GRID2: variants seen among roughly 807,000 people sequenced by gnomAD.
GRID2 encodes the protein glutamate receptor ionotropic, delta-2.
GRID2 carries 33 observed loss-of-function variants against 114.8 expected under a neutral mutation model. The observed-to-expected ratio is 0.29, with a 90% CI of 0.22 to 0.38. GRID2 has a LOEUF of 0.38. GRID2 is among the 10% of genes least tolerant of loss of function. The pLI is 1.00. For missense variants in GRID2, 1,184 were observed against 1,257.7 expected (o/e 0.94, Z 0.89); for synonymous variants, 505 against 449.9 (o/e 1.12, Z -1.55).
intron 2 of GRID2, among the ~76,000 whole-genome samples, chr4:92,949,385 T>C (rs1357434668): frequency 1.3e-5 from 2 of 152,114 alleles, no homozygotes; most frequent in Non-Finnish European, 1.5e-5. Flanking sequence ...TATGTATACA[T>C]GTGCCATGTT....
At chr4:93,338,168 A>T (rs1281262595) in intron 8 of GRID2, among the ~76,000 whole-genome samples, 1 of 152,196 alleles carries the variant, frequency 6.6e-6, no homozygotes, top group African/African-American at 2.4e-5. Flanking sequence ...TACAATACAT[A>T]ACAGTTTTTG....
At chr4:92,797,754 C>T (rs137947713) in intron 2 of GRID2, among the ~76,000 whole-genome samples, 24 of 151,760 alleles carry the variant, frequency 1.6e-4, no homozygotes, top group African/African-American at 5.6e-4. Context: ...CACAAATCTA[C>T]AAAATATTTT....
intron 8 of GRID2, among the ~76,000 whole-genome samples, chr4:93,342,087 T>C (rs1471581980): frequency 2.0e-5 from 3 of 152,278 alleles, no homozygotes; most frequent in African/African-American, 7.2e-5. Flanking sequence ...CACTGTGAGA[T>C]AGCATCTTAT....
At chr4:92,871,594 A>T (rs1357796626) in intron 2 of GRID2, among the ~76,000 whole-genome samples, 1 of 152,192 alleles carries the variant, frequency 6.6e-6, no homozygotes, top group Admixed American at 6.5e-5. Flanking sequence ...ACTGACACTC[A>T]TGAGTCAAGG....
At chr4:92,954,570 G>A (rs1467419202) in intron 2 of GRID2, among the ~76,000 whole-genome samples, 3 of 151,602 alleles carry the variant, frequency 2.0e-5, no homozygotes, top group Non-Finnish European at 4.4e-5. Context: ...GGGACTACAG[G>A]TGCCAGCCAC....
chr4:93,725,746 T>A (rs998261608), intron 14 of GRID2, among the ~76,000 whole-genome samples: 4 of 152,074 alleles, frequency 2.6e-5, no homozygotes, highest in African/African-American at 9.7e-5. Context: ...ATGATGAGCA[T>A]TTTTTCATGT....
chr4:93,038,732 AG>A (rs1009096476), intron 2 of GRID2, among the ~76,000 whole-genome samples: 1 of 152,052 alleles, frequency 6.6e-6, no homozygotes, highest in Non-Finnish European at 1.5e-5. Flanking sequence ...CGGAGCTTAG[AG>A]TGAGCTGAGA....
intron 13 of GRID2, among the ~76,000 whole-genome samples, chr4:93,533,557 T>C (rs1296127519): frequency 2.1e-5 from 3 of 145,342 alleles, no homozygotes; most frequent in Non-Finnish European, 3.0e-5. Flanking sequence ...TTTTTTTTTT[T>C]TTTGGTATTT....
chr4:93,270,894 G>A (rs1751389941), intron 8 of GRID2, among the ~76,000 whole-genome samples: 1 of 152,112 alleles, frequency 6.6e-6, no homozygotes, highest in African/African-American at 2.4e-5. Flanking sequence ...CTCTCAAAGT[G>A]CTGGGATTAC....
chr4:93,093,879 T>C (rs544002491), intron 3 of GRID2, among the ~76,000 whole-genome samples: 1 of 152,168 alleles, frequency 6.6e-6, no homozygotes, highest in East Asian at 1.9e-4. Flanking sequence ...CAGAGACCTA[T>C]TGTACAGCAA....
intron 14 of GRID2, among the ~76,000 whole-genome samples, chr4:93,719,594 C>A (rs536022956): frequency 6.6e-6 from 1 of 152,250 alleles, no homozygotes; most frequent in Admixed American, 6.5e-5. Context: ...TACAAGGCAT[C>A]AATCAGATCC....
intron 2 of GRID2, among the ~76,000 whole-genome samples, chr4:92,717,370 G>T (rs917198254): frequency 1.3e-5 from 2 of 152,176 alleles, no homozygotes; most frequent in African/African-American, 4.8e-5. Flanking sequence ...CCAAAGAAAT[G>T]TTAAGCAATA....
At chr4:92,913,667 TG>T in intron 2 of GRID2, among the ~76,000 whole-genome samples, 1 of 152,030 alleles carries the variant, frequency 6.6e-6, no homozygotes. Flanking sequence ...CTGTAGCATT[TG>T]ACTAGCTTTA....
intron 2 of GRID2, among the ~76,000 whole-genome samples, chr4:92,777,199 C>G (rs1738848906): frequency 6.6e-6 from 1 of 151,716 alleles, no homozygotes; most frequent in Non-Finnish European, 1.5e-5. Flanking sequence ...TGGTTCTAAG[C>G]ATGTATAAGT....
chr4:93,482,391 A>G (rs1725958408), intron 11 of GRID2, among the ~76,000 whole-genome samples: 2 of 152,090 alleles, frequency 1.3e-5, no homozygotes, highest in Admixed American at 1.3e-4. Flanking sequence ...TTGCAAGGAC[A>G]TGGATGAAAC....
At chr4:92,904,565 A>G (rs1480210999) in intron 2 of GRID2, among the ~76,000 whole-genome samples, 6 of 152,014 alleles carry the variant, frequency 3.9e-5, no homozygotes, top group Middle Eastern at 6.8e-3. Flanking sequence ...AGAGTTTCTA[A>G]TATAAAGTCG....
At chr4:93,605,685 A>G (rs980895157) in intron 13 of GRID2, among the ~76,000 whole-genome samples, 1 of 152,210 alleles carries the variant, frequency 6.6e-6, no homozygotes, top group African/African-American at 2.4e-5. Context: ...TACTCCTGAT[A>G]ATATTGGGCC....
At chr4:93,315,978 T>C (rs1756539797) in intron 8 of GRID2, among the ~76,000 whole-genome samples, 1 of 152,076 alleles carries the variant, frequency 6.6e-6, no homozygotes, top group African/African-American at 2.4e-5. Flanking sequence ...AGCAAGGATC[T>C]GAGATAATCA....
chr4:92,496,111 G>A (rs1430078147), intron 1 of GRID2, among the ~76,000 whole-genome samples: 1 of 151,848 alleles, frequency 6.6e-6, no homozygotes, highest in Non-Finnish European at 1.5e-5. Flanking sequence ...TAAGCACCAT[G>A]TCCTTTAAAT....
Sources: gnomAD v4.1 joint callset for allele counts (sites outside exome capture counted in the v4.1 genomes callset) on GRCh38, gnomAD v4.1.1 for gene constraint, MANE v1.5 for transcripts, NCBI Gene and HGNC (gene_info 2026-07-23, HGNC 2026-07-21) for gene names.